Variants in BSN observed in about 807,000 individuals in gnomAD.
The protein encoded by BSN is protein bassoon.
Under a neutral mutation model 264.8 loss-of-function variants are expected in BSN, and 57 were observed. That is an observed-to-expected ratio of 0.22 (90% CI 0.17 to 0.27). The LOEUF is 0.27. Ranked by LOEUF, BSN falls within the 10% of genes least tolerant of loss-of-function variation. The pLI, the probability that BSN is intolerant of heterozygous loss-of-function variation, is 1.00. For missense variants in BSN, 4,615 were observed against 5,232.5 expected (o/e 0.88, Z 3.64); for synonymous variants, 2,059 against 2,137.3 (o/e 0.96, Z 1.01).
At chr3:49,583,321 C>T (rs1397216617) in intron 1 of BSN, among the ~76,000 whole-genome samples, 1 of 152,112 alleles carries the variant, frequency 6.6e-6, no homozygotes, top group African/African-American at 2.4e-5. Flanking sequence ...AAATAAAGCC[C>T]AATAGAAGGA....
At chr3:49,591,335 TAA>T (rs767574249) in intron 1 of BSN, among the ~76,000 whole-genome samples, 2 of 152,236 alleles carry the variant, frequency 1.3e-5, no homozygotes, top group Non-Finnish European at 2.9e-5. Flanking sequence ...TTAATTCAGT[TAA>T]GAGAGTAAAA....
Position 49,656,993 on chromosome 3 carries a change from A to G in BSN, c.7437A>G (p.Ala2479=). 1 of 1,610,158 alleles carries G rather than the reference A, an allele frequency of 6.2e-7. No homozygotes were observed. Among genetic ancestry groups the G allele is most frequent in the Non-Finnish European group, 8.5e-7 (1 of 1,177,698 alleles). The change falls in exon 5 of 12, where the codon GCA becomes GCG. Residue 2479 remains alanine (A), a synonymous_variant. Coordinates refer to ENST00000296452, the MANE Select transcript of BSN (RefSeq NM_003458.4). ...AGCGGCAGAAGGCTCCCTTTCCTGC[A>G]GCCTGTGAGGCACCTGGCCGAGGGC... ...QKQRQKAPFP[A]ACEAPGRGPP... is the part of the protein sequence containing the mutation.
rs569257241 is a variant in BSN at position 49,661,046 on chromosome 3, T to A, written c.9201T>A (p.Ser3067Arg). The A allele has an allele frequency of 3.3e-5, 53 of 1,611,654 alleles. No homozygotes were observed. Among genetic ancestry groups the A allele is most frequent in the Admixed American group, 1.5e-4 (9 of 60,016 alleles). Residue 3067 changes from serine (S) to arginine (R), a missense_variant, in exon 6 of 12, where the codon AGT becomes AGA. Physicochemically the swap from Ser to Arg is moderately radical, Grantham distance 110 (BLOSUM62 -1). Around this residue, in one of 3 missense-constraint regions of BSN, gnomAD observed 3,415 missense variants for 3,866.4 expected, o/e 0.88. Transcript: ENST00000296452. ...CAGCCCCACAGTATTCTGCAGGCAG[T>A]GGTGGGCCAACTCAGAACGGATTCC... is the stretch of plus-strand genomic sequence containing the variant. ...QPPAPQYSAG[S>R]GGPTQNGFPA...
chr3:49,663,665 C>T lies in BSN; in HGVS notation c.11507C>T (p.Pro3836Leu), dbSNP rs779723866. Reference protein sequence around the residue: ...STATGPQPAGPPRAEQTNGSK... With the variant: ...STATGPQPAGLPRAEQTNGSK... ...GCCACAGGTCCTCAACCAGCAGGAC[C>T]GGTAAGCAGAGCTCCCATGCATGGG... The change falls in exon 7 of 12, where the codon CCG becomes CTG. Residue 3836 changes from proline (P) to leucine (L), a missense_variant and splice_region_variant. Transcript: ENST00000296452. 11 of 1,602,136 alleles carry T rather than the reference C, an allele frequency of 6.9e-6. No individual in the cohort carries two copies. The highest frequency in any genetic ancestry group is 4.5e-5 in the East Asian group (2 of 44,700).
chr3:49,612,158 C>A (rs2052211625), intron 1 of BSN, among the ~76,000 whole-genome samples: 1 of 135,824 alleles, frequency 7.4e-6, no homozygotes. Flanking sequence ...TTTTTTGAGA[C>A]AGAGTCTCGT....
intron 1 of BSN, among the ~76,000 whole-genome samples, chr3:49,589,889 G>A (rs2051965021): frequency 6.1e-5 from 9 of 148,216 alleles, no homozygotes; most frequent in Admixed American, 5.4e-4. Context: ...CCAGGCTGGA[G>A]TGCAGTGGCG....
At position 49,652,667 on chromosome 3, in the gene BSN, C is replaced by T. The variant is rs572294827; in HGVS notation, c.3111C>T (p.Ile1037=). 3.7e-6 allele frequency: 6 copies of T among 1,601,384 alleles called. No individual in the cohort carries two copies. The highest frequency in any genetic ancestry group is 2.2e-5 in the East Asian group (1 of 44,780). The change falls in exon 5 of 12, where the codon ATC becomes ATT. Residue 1037 remains isoleucine, a synonymous_variant. Coordinates refer to ENST00000296452, the MANE Select transcript of BSN (RefSeq NM_003458.4). ...CCCACGGGCCCCTGCTACCCACCAT[C>T]GAGGACTCCTCAGAGGAGGAGGAGC... is the stretch of plus-strand genomic sequence containing the variant. ...HRSHGPLLPT[I]EDSSEEEELR...
rs1446605779 is a variant in BSN at position 49,671,363 on chromosome 3, T to TC, written c.*3878_*3879insC. On this transcript the variant is annotated 3_prime_UTR_variant, in exon 12 of 12. Transcript: ENST00000296452. The surrounding 1 kb of genome is among the most constrained non-coding windows in gnomAD (Gnocchi z 4.1). ...TTTATTTGAGGGGGGAAGAGTGCTG[T>TC]ACAAAGTCAAACAAACAAGTTTACA... 6.6e-6 allele frequency: 1 copy of TC among 151,844 alleles called. No individual in the cohort carries two copies. The highest frequency in any genetic ancestry group is 1.5e-5 in the Non-Finnish European group (1 of 67,632). The allele number at this position is 151,844 out of a possible 1,614,324, so 9.4% of individuals were successfully genotyped here. A position where few individuals can be genotyped will look rare whatever the true frequency, so the allele number is the denominator to read the frequency against.
At chr3:49,666,564 G>C (rs2052715097) in intron 11 of BSN, among the ~76,000 whole-genome samples, 1 of 152,220 alleles carries the variant, frequency 6.6e-6, no homozygotes, top group African/African-American at 2.4e-5. Context: ...GAGAAGCAGA[G>C]CTATGGAAGC....
chr3:49,660,792 A>G lies in BSN; in HGVS notation c.8947A>G (p.Ile2983Val). Residue 2983 changes from isoleucine (I) to valine (V), a missense_variant, in exon 6 of 12, where the codon ATC becomes GTC. Coordinates refer to ENST00000296452, the MANE Select transcript of BSN (RefSeq NM_003458.4). The surrounding 1 kb of genome is among the most constrained non-coding windows in gnomAD (Gnocchi z 7.1). ...DAKLKYLELG[I>V]TQRKESLAKD... ...CAAGCTCAAGTACCTGGAGTTGGGT[A>G]TCACACAACGCAAAGAGTCTTTGGC... is the stretch of plus-strand genomic sequence containing the variant. 6.2e-7 allele frequency: 1 copy of G among 1,613,234 alleles called. No homozygotes were observed. The highest frequency in any genetic ancestry group is 8.5e-7 in the Non-Finnish European group (1 of 1,180,026).
In BSN at chr3:49,657,033, G is replaced by A. The variant is rs754970256; in HGVS notation, c.7477G>A (p.Ala2493Thr). Residue 2493 changes from alanine to threonine, a missense_variant, in exon 5 of 12, where the codon GCT becomes ACT. By Grantham distance (58) the Ala-to-Thr change is moderately conservative (BLOSUM62 0). Transcript: ENST00000296452. The part of the protein sequence containing the change: ...APGRGPPLAA[A>T]ELAQNGQYWP... ...TGGCCGAGGGCCTCCCCTAGCGGCT[G>A]CTGAGTTGGCCCAGAATGGCCAGTA... The A allele has an allele frequency of 6.2e-7, 1 of 1,610,018 alleles. No individual in the cohort carries two copies. Among genetic ancestry groups the A allele is most frequent in the Admixed American group, 1.7e-5 (1 of 59,948 alleles).
In BSN at chr3:49,655,073, C is replaced by T. The variant is rs755749757; in HGVS notation, c.5517C>T (p.Ala1839=). Residue 1839 remains alanine (A), a synonymous_variant, in exon 5 of 12, where the codon GCC becomes GCT. Coordinates refer to ENST00000296452, the MANE Select transcript of BSN (RefSeq NM_003458.4). ...LKPGPVPEPG[A]EPHRATPAEL... is the part of the protein sequence containing the mutation. ...CAGGCCCAGTGCCAGAGCCAGGTGC[C>T]GAGCCCCACCGGGCCACCCCTGCAG... is the stretch of plus-strand genomic sequence containing the variant. The T allele has an allele frequency of 2.4e-5, 38 of 1,612,956 alleles. No homozygotes were observed. The South Asian group carries it at 2.6e-4, about 11-fold the overall frequency.
In BSN at chr3:49,665,259, G is replaced by C. The variant is rs1453141526; in HGVS notation, c.*45G>C. ...TGAAGAAATGAAGAGAGGTATCATT[G>C]CTGTGGAAAAATCTCTGGAGTCAGA... is the stretch of plus-strand genomic sequence containing the variant. On this transcript the variant is annotated 3_prime_UTR_variant, in exon 11 of 12. Coordinates refer to ENST00000296452, the MANE Select transcript of BSN (RefSeq NM_003458.4). 5.9e-6 allele frequency: 1 copy of C among 168,456 alleles called. No homozygotes were observed. Among genetic ancestry groups the C allele is most frequent in the Non-Finnish European group, 1.3e-5 (1 of 79,134 alleles). 10.4% of individuals were successfully genotyped at this position (168,456 alleles called of 1,614,324 possible). A position where few individuals can be genotyped will look rare whatever the true frequency, so the allele number is the denominator to read the frequency against.
intron 1 of BSN, among the ~76,000 whole-genome samples, chr3:49,589,707 A>G (rs1190332160): frequency 6.6e-6 from 1 of 151,292 alleles, no homozygotes; most frequent in African/African-American, 2.4e-5. Context: ...GTGTTTCACC[A>G]TGTTACCCAG....
chr3:49,579,643 G>A (rs969908186), intron 1 of BSN, among the ~76,000 whole-genome samples: 1 of 151,032 alleles, frequency 6.6e-6, no homozygotes, highest in Non-Finnish European at 1.5e-5. Flanking sequence ...GGCTGGTCTC[G>A]AACTCCTGAC....
chr3:49,606,226 AC>A (rs2052144345), intron 1 of BSN, among the ~76,000 whole-genome samples: 22 of 63,110 alleles, frequency 3.5e-4, no homozygotes, highest in African/African-American at 6.1e-4. Context: ...TATTATATAT[AC>A]ATATATTATA....
chr3:49,669,270 G>T lies in BSN; in HGVS notation c.*1785G>T, dbSNP rs998974284. The T allele has an allele frequency of 6.6e-6, 1 of 152,592 alleles. No homozygotes were observed. Among genetic ancestry groups the T allele is most frequent in the African/African-American group, 2.4e-5 (1 of 41,420 alleles). The allele number at this position is 152,592 out of a possible 1,614,324, so 9.5% of individuals were successfully genotyped here. A position where few individuals can be genotyped will look rare whatever the true frequency, so the allele number is the denominator to read the frequency against. ...CAGGCTGCAGGGCAGGCAGTAAAAGGCCCCCACATACCCTGCAGTTTTCTC... is the reference window on the plus strand; with the variant it reads ...CAGGCTGCAGGGCAGGCAGTAAAAGTCCCCCACATACCCTGCAGTTTTCTC... On this transcript the variant is annotated 3_prime_UTR_variant, in exon 12 of 12. Coordinates refer to ENST00000296452, the MANE Select transcript of BSN (RefSeq NM_003458.4).
rs1037255482 is a variant in BSN, at chr3:49,652,459, C to T, written c.2903C>T (p.Thr968Met). ...REPELEMESL[T>M]GSPEDRSRGE... ...CCTGAGCTGGAGATGGAGAGCCTAA[C>T]GGGCTCCCCTGAGGACCGCTCCCGT... The change falls in exon 5 of 12, where the codon ACG becomes ATG. Residue 968 changes from threonine (T) to methionine (M), a missense_variant. By Grantham distance (81) the Thr-to-Met change is moderately conservative (BLOSUM62 -1). Transcript: ENST00000296452. The T allele has an allele frequency of 8.1e-6, 13 of 1,613,666 alleles. No individual in the cohort carries two copies. Among genetic ancestry groups the T allele is most frequent in the African/African-American group, 1.3e-5 (1 of 75,076 alleles).
rs375208031 is a variant in BSN at position 49,666,151 on chromosome 3, T to C, written c.*104+833T>C. Among the ~76,000 whole-genome samples, 8 of 152,360 alleles carry C rather than the reference T, an allele frequency of 5.3e-5. No homozygotes were observed. In the East Asian group the frequency reaches 1.2e-3, roughly 22 times the overall value. The stretch of plus-strand genomic sequence containing the variant: ...TCCCTCCTTGCCCCTTCAGGGTGCT[T>C]CTCACGGTGCACAAGCATGTATGTG... On this transcript the variant is annotated intron_variant, in intron 11 of 11. Transcript: ENST00000296452.
Sources: gnomAD v4.1 joint callset for allele counts (sites outside exome capture counted in the v4.1 genomes callset) on GRCh38, gnomAD v4.1.1 for gene constraint, gnomAD v4.1.1 regional missense constraint, Gnocchi (gnomAD v3.1) non-coding constraint, MANE v1.5 for transcripts, NCBI Gene and HGNC (gene_info 2026-07-23, HGNC 2026-07-21) for gene names.